Variants in SLC2A11 observed in about 807,000 individuals in gnomAD.
SLC2A11 encodes solute carrier family 2 member 11, also known as solute carrier family 2, facilitated glucose transporter member 11.
SLC2A11 carries 43 observed loss-of-function variants against 52.1 expected under a neutral mutation model. The observed-to-expected ratio is 0.82, with a 90% CI of 0.65 to 1.06. The LOEUF (loss-of-function observed/expected upper bound fraction) is 1.06, where lower values mean the gene tolerates loss of function less well. SLC2A11 is among the 50% of genes least tolerant of loss of function. SLC2A11 has a pLI of 0.00. For missense variants in SLC2A11, 582 were observed against 654.2 expected, an observed-to-expected ratio of 0.89 and a Z score of 1.20; for synonymous variants, 261 against 277.6, an observed-to-expected ratio of 0.94 and a Z score of 0.59.
In SLC2A11 at chr22:23,860,324, G is replaced by A. The variant is rs572357942; in HGVS notation, c.31-1780G>A. ...AGCTACTTGGGGGGCTGAGGTGGGAGGATCGCTTGAGCCCAGGAGGTTGAG... is the reference window on the plus strand; with the variant it reads ...AGCTACTTGGGGGGCTGAGGTGGGAAGATCGCTTGAGCCCAGGAGGTTGAG... On this transcript the variant is annotated intron_variant, in intron 1 of 11. Transcript: ENST00000316185. 3.5e-4 allele frequency among the ~76,000 whole-genome samples: 53 copies of A among 152,232 alleles called. No homozygotes were observed. In the South Asian group the frequency reaches 0.01, roughly 29 times the overall value.
intron 6 of SLC2A11, chr22:23,880,845 C>G (rs949015569): frequency 2.6e-5 from 4 of 152,152 alleles, no homozygotes; most frequent in Non-Finnish European, 5.9e-5. Context: ...TCATGTCTTA[C>G]AGCAAGCTTA....
intron 1 of SLC2A11, 101 bp downstream of exon 1, chr22:23,858,130 C>T (rs1286513554): frequency 1.4e-6 from 2 of 1,462,234 alleles, no homozygotes; most frequent in East Asian, 4.9e-5. Flanking sequence ...TTAACTAAGT[C>T]GTCAAATGTT....
intron 5 of SLC2A11, 183 bp from the exon 6 acceptor site, chr22:23,877,538 C>G: frequency 1.2e-6 from 1 of 847,498 alleles, no homozygotes; most frequent in Non-Finnish European, 2.0e-6. Flanking sequence ...GGGCAGTGGC[C>G]CTGTCCTCTC....
chr22:23,857,124 C>G, upstream of SLC2A11: 1 of 1,238,592 alleles, frequency 8.1e-7, no homozygotes, highest in Non-Finnish European at 1.1e-6. Context: ...CAACCAAGGG[C>G]TTGGCCCTCC....
upstream of SLC2A11, chr22:23,857,587 C>G (rs1405820562): frequency 2.1e-6 from 3 of 1,452,774 alleles, no homozygotes; most frequent in African/African-American, 2.9e-5. Context: ...ACCCCCCCCC[C>G]GCGGCGGCGA....
upstream of SLC2A11, chr22:23,857,602 CCCCCAACACGCTGGGGCGAACT>C (rs1439644337): frequency 3.3e-6 from 4 of 1,195,480 alleles, no homozygotes; most frequent in Non-Finnish European, 4.7e-6. Flanking sequence ...CGGCGACTCC[CCCCCAACACGCTGGGGCGAACT>C]CCCCAGCACC....
chr22:23,870,572 G>T (rs1191254879), intron 3 of SLC2A11: 1 of 152,738 alleles, frequency 6.5e-6, no homozygotes, highest in Admixed American at 6.5e-5. Flanking sequence ...CAGATAGAGG[G>T]TCATATTGTC....
Position 23,868,656 on chromosome 22 carries a change from C to T in SLC2A11, c.290+15C>T, listed in dbSNP as rs2032351063. The T allele has an allele frequency of 1.2e-6, 2 of 1,613,596 alleles. No individual in the cohort carries two copies. The highest frequency in any genetic ancestry group is 1.7e-6 in the Non-Finnish European group (2 of 1,179,714). On this transcript the variant is annotated intron_variant, in intron 3 of 11. Coordinates refer to ENST00000316185, the MANE Select transcript of SLC2A11 (RefSeq NM_001024939.4). ...ACGCTGGGAAGGTAAGTGCTTCCTG[C>T]ATACCCCCTGAATGCCCTTTAATGA...
Position 23,882,844 on chromosome 22 carries a change from G to T in SLC2A11, c.968G>T (p.Cys323Phe). Residue 323 changes from cysteine (C) to phenylalanine (F), a missense_variant, in exon 8 of 12, where the codon TGC becomes TTC. Coordinates refer to ENST00000316185, the MANE Select transcript of SLC2A11 (RefSeq NM_001024939.4). ...IQYAIIGTGS[C>F]ELLTAVVSCV... ...TACGCGATCATCGGGACTGGGAGCT[G>T]CGAGCTGCTCACGGCGGTTGTTAGT... 2 of 1,613,402 alleles carry T rather than the reference G, an allele frequency of 1.2e-6. No homozygotes were observed. Among genetic ancestry groups the T allele is most frequent in the Non-Finnish European group, 1.7e-6 (2 of 1,179,692 alleles).
intron 2 of SLC2A11, 75 bp from the exon 3 acceptor site, chr22:23,868,406 T>A (rs2032337399): frequency 6.4e-7 from 1 of 1,562,446 alleles, no homozygotes; most frequent in Non-Finnish European, 8.7e-7. Flanking sequence ...GGAGCCCTGT[T>A]GGGGAGAAGG....
At chr22:23,868,668 A>G in intron 3 of SLC2A11, 27 bp downstream of exon 3, 10 of 1,612,512 alleles carry the variant, frequency 6.2e-6, no homozygotes, top group Non-Finnish European at 8.5e-6. Flanking sequence ...TACCCCCTGA[A>G]TGCCCTTTAA....
chr22:23,857,415 C>T (rs1020388466), upstream of SLC2A11: 5 of 1,603,732 alleles, frequency 3.1e-6, no homozygotes, highest in Non-Finnish European at 4.3e-6. Flanking sequence ...CCCTTCCGGC[C>T]TGCAGAGATG....
At chr22:23,874,997 T>C in intron 3 of SLC2A11, 120 bp from the exon 4 acceptor site, 7 of 1,186,078 alleles carry the variant, frequency 5.9e-6, no homozygotes, top group Non-Finnish European at 7.7e-6. Flanking sequence ...AATGGCATAC[T>C]ACATACATTT....
chr22:23,865,514 CA>C (rs1224964403), intron 2 of SLC2A11: 16 of 152,332 alleles, frequency 1.1e-4, no homozygotes, highest in African/African-American at 3.4e-4. Flanking sequence ...GGGACCGTGG[CA>C]ATGGGGTCCT....
chr22:23,861,253 C>CA (rs1037294693), intron 1 of SLC2A11, among the ~76,000 whole-genome samples: 10 of 102,290 alleles, frequency 9.8e-5, no homozygotes, highest in African/African-American at 3.6e-4. Flanking sequence ...GCTGGGATTA[C>CA]AGGTGTGAGC....
intron 2 of SLC2A11, chr22:23,862,444 G>A (rs1331429090): frequency 4.0e-6 from 2 of 498,448 alleles, no homozygotes; most frequent in East Asian, 6.4e-5. Context: ...GTGATGGGGG[G>A]TCAGCCTTGA....
intron 5 of SLC2A11, 58 bp downstream of exon 5, chr22:23,877,229 C>T (rs1361768234): frequency 4.7e-5 from 74 of 1,571,872 alleles, no homozygotes; most frequent in Non-Finnish European, 6.0e-5. Flanking sequence ...AAAAGCGTTT[C>T]TTCACCTAAA....
chr22:23,877,049 C>T lies in SLC2A11; in HGVS notation c.423C>T (p.Ser141=), dbSNP rs1305007253. The change falls in exon 5 of 12, where the codon AGC becomes AGT. Residue 141 remains serine (S), a synonymous_variant. Transcript: ENST00000316185. ...RLLVGVNAGV[S]MNIQPMYLGE... is the part of the protein sequence containing the mutation. The stretch of plus-strand genomic sequence containing the variant: ...TGCTGTGCACACGTCCAGGTGTGAG[C>T]ATGAACATCCAGCCCATGTACCTGG... 2 of 1,613,786 alleles carry T rather than the reference C, an allele frequency of 1.2e-6. No homozygotes were observed. Among genetic ancestry groups the T allele is most frequent in the East Asian group, 4.5e-5 (2 of 44,882 alleles).
In SLC2A11 at chr22:23,877,612, C is replaced by T. The variant is rs867560855; in HGVS notation, c.546-109C>T. 3.7e-5 allele frequency: 51 copies of T among 1,367,944 alleles called. No individual in the cohort carries two copies. In the South Asian group the frequency reaches 3.9e-4, roughly 10 times the overall value. 84.7% of individuals were successfully genotyped at this position (1,367,944 alleles called of 1,614,324 possible). ...ACCCAGACTTGGATAGGAAGAGGCACGGGGCAATTGCAGACTCCCTGCAGG... is the reference window on the plus strand; with the variant it reads ...ACCCAGACTTGGATAGGAAGAGGCATGGGGCAATTGCAGACTCCCTGCAGG... On this transcript the variant is annotated intron_variant, in intron 5 of 11. Transcript: ENST00000316185.
Sources: allele counts gnomAD v4.1 joint callset (sites outside exome capture counted in the v4.1 genomes callset), GRCh38; gene constraint gnomAD v4.1.1; transcripts MANE v1.5; gene names NCBI Gene and HGNC (gene_info 2026-07-23, HGNC 2026-07-21).